Variants in DENND5B observed in about 807,000 individuals in gnomAD.
The protein encoded by DENND5B is DENN domain-containing protein 5B.
Under a neutral mutation model 140.6 loss-of-function variants are expected in DENND5B, and 34 were observed. The ratio of observed to expected loss-of-function variants is 0.24; its 90% CI spans 0.18 to 0.32. DENND5B has a LOEUF of 0.32. DENND5B is among the 10% of genes least tolerant of loss of function. The pLI is 1.00. For synonymous variants in DENND5B, 551 were observed against 562.1 expected (o/e 0.98, Z 0.28); for missense variants, 1,142 against 1,560.2 (o/e 0.73, Z 4.52).
rs570515034 is a variant in DENND5B at position 31,431,259 on chromosome 12, C to T, written c.2106+1896G>A. Reference sequence around the variant, plus strand: ...CTCTCCCAGAATTTTCTAGTAAACGCCCTAGCCCTTTACAAGTTGGTGTTC... The same window carrying T: ...CTCTCCCAGAATTTTCTAGTAAACGTCCTAGCCCTTTACAAGTTGGTGTTC... On this transcript the variant is annotated intron_variant, in intron 8 of 20. Transcript: ENST00000389082. 6.6e-5 allele frequency among the ~76,000 whole-genome samples: 10 copies of T among 152,240 alleles called. No individual in the cohort carries two copies. In the South Asian group the frequency reaches 2.1e-3, roughly 32 times the overall value.
chr12:31,565,425 C>G (rs548410422), intron 1 of DENND5B, among the ~76,000 whole-genome samples: 5 of 152,214 alleles, frequency 3.3e-5, no homozygotes, highest in Non-Finnish European at 7.4e-5. Context: ...TCCTGTTAAG[C>G]AATTTATACA....
intron 1 of DENND5B, among the ~76,000 whole-genome samples, chr12:31,509,130 G>A (rs1252901552): frequency 2.6e-5 from 4 of 151,988 alleles, no homozygotes; most frequent in African/African-American, 9.7e-5. Flanking sequence ...TCCTCAAGAT[G>A]ATCCCCAGCC....
intron 1 of DENND5B, chr12:31,534,787 A>G: frequency 2.3e-6 from 1 of 433,130 alleles, no homozygotes; most frequent in South Asian, 1.9e-5. Context: ...TCCTCCTGGC[A>G]ATATCAAATG....
chr12:31,403,923 A>T (rs1300117769), intron 14 of DENND5B, among the ~76,000 whole-genome samples: 1 of 120,994 alleles, frequency 8.3e-6, no homozygotes, highest in East Asian at 2.4e-4. Flanking sequence ...AAAAAAAAAA[A>T]AGTGCAGACA....
chr12:31,579,617 C>T (rs574857554), intron 1 of DENND5B, among the ~76,000 whole-genome samples: 3 of 151,956 alleles, frequency 2.0e-5, no homozygotes, highest in East Asian at 1.9e-4. Flanking sequence ...GGCGAGATTG[C>T]GCCACTGCAC....
intron 16 of DENND5B, among the ~76,000 whole-genome samples, 155 bp downstream of exon 16, chr12:31,399,499 A>T (rs77829795): frequency 6.6e-6 from 1 of 151,958 alleles, no homozygotes; most frequent in South Asian, 2.1e-4. Context: ...GGCTGGTCTC[A>T]AACTCCTGAC....
chr12:31,583,673 G>GT (rs1439134226), intron 1 of DENND5B, among the ~76,000 whole-genome samples: 1 of 149,796 alleles, frequency 6.7e-6, no homozygotes, highest in Non-Finnish European at 1.5e-5. Flanking sequence ...GCAAGACTGT[G>GT]TCTGGGAAAA....
chr12:31,399,123 A>T (rs1343027650), intron 16 of DENND5B, among the ~76,000 whole-genome samples: 1 of 103,314 alleles, frequency 9.7e-6, no homozygotes, highest in Non-Finnish European at 2.1e-5. Context: ...ACTCTGTCTC[A>T]GCCCAAAAAA....
chr12:31,405,065 C>G (rs1942045550), intron 14 of DENND5B, among the ~76,000 whole-genome samples: 1 of 151,106 alleles, frequency 6.6e-6, no homozygotes, highest in African/African-American at 2.4e-5. Context: ...CGGCCCCTAG[C>G]TAACTTTTTA....
chr12:31,398,598 G>A (rs1821238), intron 16 of DENND5B, among the ~76,000 whole-genome samples: 18 of 151,778 alleles, frequency 1.2e-4, no homozygotes, highest in Non-Finnish European at 2.1e-4. Flanking sequence ...CACTGCACCC[G>A]GTCAGAATAT....
intron 18 of DENND5B, 52 bp from the exon 19 acceptor site, chr12:31,392,445 A>G: frequency 4.4e-6 from 7 of 1,602,908 alleles, no homozygotes; most frequent in South Asian, 1.1e-5. Flanking sequence ...ATCTATGTCT[A>G]AAAAAAACAC....
Position 31,432,180 on chromosome 12 carries a change from C to T in DENND5B, c.2106+975G>A. 9.5e-6 allele frequency: 9 copies of T among 945,206 alleles called. No individual in the cohort carries two copies. The South Asian group carries it at 3.9e-4, about 41-fold the overall frequency. The allele number at this position is 945,206 out of a possible 1,614,324, so 58.6% of individuals were successfully genotyped here. ...TAAGAGGATGGAGAAATGCCAATGA[C>T]AGGAAAGCAAAAAAGAAAAGGATAG... On this transcript the variant is annotated intron_variant, in intron 8 of 20. Coordinates refer to ENST00000389082, the MANE Select transcript of DENND5B (RefSeq NM_144973.4).
At chr12:31,450,500 G>C (rs1019679761) in intron 5 of DENND5B, among the ~76,000 whole-genome samples, 2 of 152,064 alleles carry the variant, frequency 1.3e-5, no homozygotes, top group African/African-American at 4.8e-5. Context: ...GGGACCAGAG[G>C]AGCACACCAC....
At chr12:31,523,025 G>A (rs1000018207) in intron 1 of DENND5B, among the ~76,000 whole-genome samples, 2 of 151,658 alleles carry the variant, frequency 1.3e-5, no homozygotes, top group African/African-American at 2.4e-5. Flanking sequence ...TCCCAGAATA[G>A]GAGGGAAGGT....
At chr12:31,516,669 A>G (rs563811872) in intron 1 of DENND5B, among the ~76,000 whole-genome samples, 70 of 152,282 alleles carry the variant, frequency 4.6e-4, no homozygotes, top group African/African-American at 1.7e-3. Flanking sequence ...ACTGCCATTA[A>G]CACCTACCTT....
At chr12:31,460,490 A>C in intron 3 of DENND5B, 109 bp from the exon 4 acceptor site, 1 of 1,002,954 alleles carries the variant, frequency 1.0e-6, no homozygotes, top group Non-Finnish European at 1.4e-6. Context: ...GTTAAAAGTA[A>C]ATATTTCTTT....
intron 1 of DENND5B, among the ~76,000 whole-genome samples, chr12:31,579,860 G>C (rs1182536236): frequency 1.3e-5 from 2 of 151,436 alleles, no homozygotes; most frequent in African/African-American, 4.9e-5. Flanking sequence ...AAAAATTTTT[G>C]GAATCTCTGG....
chr12:31,413,698 T>C (rs1459922471), intron 12 of DENND5B, 134 bp from the exon 13 acceptor site: 2 of 1,002,444 alleles, frequency 2.0e-6, no homozygotes, highest in Non-Finnish European at 2.7e-6. Flanking sequence ...ACAATTGATG[T>C]TGATTAAATC....
At chr12:31,545,368 T>C (rs1291306153) in intron 1 of DENND5B, among the ~76,000 whole-genome samples, 2 of 152,126 alleles carry the variant, frequency 1.3e-5, no homozygotes, top group Non-Finnish European at 2.9e-5. Context: ...TACCCGTTTT[T>C]CAACCATTCC....
Sources: gnomAD v4.1 joint callset for allele counts (sites outside exome capture counted in the v4.1 genomes callset) on GRCh38, gnomAD v4.1.1 for gene constraint, MANE v1.5 for transcripts, NCBI Gene and HGNC (gene_info 2026-07-23, HGNC 2026-07-21) for gene names.